Variants in SDK1 observed in about 807,000 individuals in gnomAD.
SDK1 encodes the protein protein sidekick-1.
In SDK1, 157 loss-of-function variants were observed where a neutral mutation model predicts 245.5. The ratio of observed to expected loss-of-function variants is 0.64; its 90% CI spans 0.56 to 0.73. SDK1 has a LOEUF of 0.73. Ranked by LOEUF, SDK1 falls within the 30% of genes least tolerant of loss-of-function variation. The pLI, the probability that SDK1 is intolerant of heterozygous loss-of-function variation, is 0.00. For synonymous variants in SDK1, 1,647 were observed against 1,278.5 expected (o/e 1.29, Z -6.15); for missense variants, 3,583 against 3,002.3 (o/e 1.19, Z -4.52).
At chr7:3,589,083 C>G (rs1256951020) in intron 1 of SDK1, among the ~76,000 whole-genome samples, 1 of 152,228 alleles carries the variant, frequency 6.6e-6, no homozygotes, top group Non-Finnish European at 1.5e-5. Flanking sequence ...AATTCTGCAA[C>G]TCAGCAGGGA....
At chr7:3,817,572 A>G (rs2115055374) in intron 4 of SDK1, among the ~76,000 whole-genome samples, 1 of 152,188 alleles carries the variant, frequency 6.6e-6, no homozygotes, top group South Asian at 2.1e-4. Flanking sequence ...CAGGATTCCG[A>G]CGTCAGTATC....
intron 1 of SDK1, among the ~76,000 whole-genome samples, chr7:3,523,180 A>G (rs1413358820): frequency 7.2e-5 from 11 of 152,334 alleles, no homozygotes; most frequent in East Asian, 1.9e-4. Flanking sequence ...GATAAACACT[A>G]TATGCAATTG....
intron 38 of SDK1, among the ~76,000 whole-genome samples, chr7:4,211,179 C>G (rs533294520): frequency 2.0e-5 from 3 of 152,190 alleles, no homozygotes; most frequent in Non-Finnish European, 4.4e-5. Context: ...AAGAAGCTAT[C>G]GTTCATCTCC....
intron 17 of SDK1, among the ~76,000 whole-genome samples, chr7:4,030,134 G>C (rs1308444357): frequency 6.6e-6 from 1 of 152,174 alleles, no homozygotes; most frequent in African/African-American, 2.4e-5. Flanking sequence ...GGCCACCAGG[G>C]GAAGCAGGAA....
intron 5 of SDK1, among the ~76,000 whole-genome samples, chr7:3,887,893 T>C (rs1781374538): frequency 6.6e-6 from 1 of 152,222 alleles, no homozygotes; most frequent in Non-Finnish European, 1.5e-5. Context: ...ACGTAAGATT[T>C]GCTGGTATTG....
intron 5 of SDK1, among the ~76,000 whole-genome samples, chr7:3,874,200 T>C (rs1781020747): frequency 6.6e-6 from 1 of 152,240 alleles, no homozygotes; most frequent in Admixed American, 6.5e-5. Context: ...CTCATTCTAC[T>C]CGAGGCCTAA....
At chr7:3,482,524 C>T (rs139342690) in intron 1 of SDK1, among the ~76,000 whole-genome samples, 10 of 152,282 alleles carry the variant, frequency 6.6e-5, no homozygotes, top group African/African-American at 1.9e-4. Flanking sequence ...AATCTCTGCG[C>T]AGAAGAGAGA....
At chr7:3,897,535 T>C (rs1224913312) in intron 5 of SDK1, among the ~76,000 whole-genome samples, 1 of 152,254 alleles carries the variant, frequency 6.6e-6, no homozygotes, top group African/African-American at 2.4e-5. Context: ...GGAATTTCCT[T>C]CTTTTTTAAG....
chr7:3,423,885 C>T (rs1255612890), intron 1 of SDK1, among the ~76,000 whole-genome samples: 1 of 151,566 alleles, frequency 6.6e-6, no homozygotes, highest in African/African-American at 2.4e-5. Context: ...ATGTTCTGAA[C>T]ATTAAACAAA....
intron 19 of SDK1, among the ~76,000 whole-genome samples, chr7:4,056,360 G>C (rs1365711118): frequency 1.3e-5 from 2 of 152,088 alleles, no homozygotes; most frequent in Non-Finnish European, 1.5e-5. Flanking sequence ...GGGGCCAGCT[G>C]ACCACAGTCA....
chr7:3,631,706 T>G (rs1782296687), intron 2 of SDK1, among the ~76,000 whole-genome samples: 1 of 152,220 alleles, frequency 6.6e-6, no homozygotes. Flanking sequence ...TGAGGCAGAA[T>G]TAGCATTAGG....
At chr7:4,083,595 T>G (rs887487346) in intron 22 of SDK1, among the ~76,000 whole-genome samples, 4 of 110,080 alleles carry the variant, frequency 3.6e-5, no homozygotes, top group Non-Finnish European at 7.1e-5. Flanking sequence ...CTTCTTTCCT[T>G]CTTCTCTCCC....
chr7:3,955,200 T>A (rs1781162561), intron 7 of SDK1, among the ~76,000 whole-genome samples: 1 of 152,158 alleles, frequency 6.6e-6, no homozygotes, highest in Non-Finnish European at 1.5e-5. Flanking sequence ...GCCAGCCCCT[T>A]CAAGTTGTTC....
intron 4 of SDK1, among the ~76,000 whole-genome samples, chr7:3,819,084 T>C (rs367821833): frequency 9.2e-5 from 14 of 152,232 alleles, no homozygotes; most frequent in Admixed American, 2.0e-4. Context: ...GTTTTGGATG[T>C]TTTATTTTCA....
chr7:4,261,443 C>T (rs531708599), intron 44 of SDK1, among the ~76,000 whole-genome samples: 3 of 152,192 alleles, frequency 2.0e-5, no homozygotes, highest in East Asian at 1.9e-4. Context: ...CTGGGGAAAC[C>T]GGATTGGCAG....
At chr7:4,135,358 A>G (rs1362267257) in intron 28 of SDK1, among the ~76,000 whole-genome samples, 1 of 152,212 alleles carries the variant, frequency 6.6e-6, no homozygotes, top group Admixed American at 6.5e-5. Context: ...AGGTGAGCGC[A>G]TTCACACTGC....
intron 35 of SDK1, among the ~76,000 whole-genome samples, chr7:4,180,760 G>A (rs991761361): frequency 6.6e-6 from 1 of 152,178 alleles, no homozygotes; most frequent in Non-Finnish European, 1.5e-5. Context: ...ATCCCACACG[G>A]CACAAACAGG....
chr7:4,218,128 G>T (rs1024268155), intron 38 of SDK1, among the ~76,000 whole-genome samples: 33 of 152,174 alleles, frequency 2.2e-4, no homozygotes, highest in African/African-American at 7.2e-4. Context: ...TTGGCCCCAG[G>T]CACGGTGGCT....
intron 7 of SDK1, among the ~76,000 whole-genome samples, chr7:3,955,770 G>C (rs1006194958): frequency 6.6e-6 from 1 of 152,186 alleles, no homozygotes; most frequent in Admixed American, 6.5e-5. Flanking sequence ...GGTGTTGTTG[G>C]GGGGTCCTTC....
Sources: allele counts gnomAD v4.1 joint callset (sites outside exome capture counted in the v4.1 genomes callset), GRCh38; gene constraint gnomAD v4.1.1; transcripts MANE v1.5; gene names NCBI Gene and HGNC (gene_info 2026-07-23, HGNC 2026-07-21).